GHR: variants seen among roughly 807,000 people sequenced by gnomAD.
GHR encodes the protein growth hormone receptor.
In GHR, 35 loss-of-function variants were observed where a neutral mutation model predicts 67.1. That is an observed-to-expected ratio of 0.52 (90% CI 0.40 to 0.69). The LOEUF (loss-of-function observed/expected upper bound fraction) is 0.69. Among genes scored for constraint, GHR ranks in the 30% least tolerant of loss-of-function variants. GHR has a pLI of 0.00. For synonymous variants in GHR, 272 were observed against 269.1 expected (o/e 1.01, Z -0.10); for missense variants, 792 against 764.6 (o/e 1.04, Z -0.42).
intron 3 of GHR, among the ~76,000 whole-genome samples, chr5:42,644,947 A>T (rs1754657280): frequency 6.6e-6 from 1 of 152,178 alleles, no homozygotes; most frequent in Non-Finnish European, 1.5e-5. Context: ...AATATTATGA[A>T]GTATATGTCT....
At chr5:42,599,357 A>AC (rs71608655) in intron 2 of GHR, among the ~76,000 whole-genome samples, 21 of 103,922 alleles carry the variant, frequency 2.0e-4, no homozygotes, top group African/African-American at 8.1e-4. Flanking sequence ...CCTACAGCAC[A>AC]TTTTTTTTTT....
chr5:42,584,006 T>A (rs1751341155), intron 2 of GHR, among the ~76,000 whole-genome samples: 1 of 151,888 alleles, frequency 6.6e-6, no homozygotes, highest in Non-Finnish European at 1.5e-5. Context: ...TCCAAGTCTC[T>A]TTGCGGTCCG....
intron 6 of GHR, among the ~76,000 whole-genome samples, chr5:42,709,278 C>T (rs1019772343): frequency 1.2e-4 from 18 of 152,074 alleles, no homozygotes; most frequent in African/African-American, 3.1e-4. Context: ...GGATTACAGG[C>T]GCAAGCCACC....
intron 1 of GHR, among the ~76,000 whole-genome samples, chr5:42,427,150 A>C (rs373732908): frequency 6.6e-6 from 1 of 152,116 alleles, no homozygotes; most frequent in Admixed American, 6.5e-5. Flanking sequence ...ATAGGGTTCC[A>C]CCCTCCTCTG....
intron 3 of GHR, among the ~76,000 whole-genome samples, chr5:42,659,632 G>T (rs116154687): frequency 6.6e-6 from 1 of 152,144 alleles, no homozygotes; most frequent in African/African-American, 2.4e-5. Flanking sequence ...AGTTCTCTTC[G>T]ATGGCCAAAT....
At chr5:42,537,137 AT>A (rs1748293624) in intron 1 of GHR, among the ~76,000 whole-genome samples, 1 of 151,438 alleles carries the variant, frequency 6.6e-6, no homozygotes, top group African/African-American at 2.4e-5. Flanking sequence ...TATCATTTGT[AT>A]TTTTTCTTTT....
intron 1 of GHR, among the ~76,000 whole-genome samples, chr5:42,425,781 C>T (rs1169520143): frequency 6.6e-6 from 1 of 152,146 alleles, no homozygotes; most frequent in Non-Finnish European, 1.5e-5. Flanking sequence ...TTTTGTTTTG[C>T]ATTAATCTAA....
chr5:42,636,356 T>C (rs1754192222), intron 3 of GHR, among the ~76,000 whole-genome samples: 1 of 152,186 alleles, frequency 6.6e-6, no homozygotes, highest in Non-Finnish European at 1.5e-5. Context: ...TTTAAAGGGA[T>C]AATTCAAGAC....
At chr5:42,629,814 T>C (rs561446034) in intron 3 of GHR, among the ~76,000 whole-genome samples, 12 of 132,098 alleles carry the variant, frequency 9.1e-5, no homozygotes, top group Non-Finnish European at 1.9e-4. Context: ...ATAAATTCTT[T>C]TTAAAATTAT....
chr5:42,502,056 G>A (rs547476334), intron 1 of GHR, among the ~76,000 whole-genome samples: 1 of 152,198 alleles, frequency 6.6e-6, no homozygotes, highest in Non-Finnish European at 1.5e-5. Flanking sequence ...TTGCCCATTG[G>A]TGCTCACATA....
intron 1 of GHR, among the ~76,000 whole-genome samples, chr5:42,481,463 G>T (rs1025363054): frequency 1.3e-5 from 2 of 152,150 alleles, no homozygotes; most frequent in Non-Finnish European, 2.9e-5. Flanking sequence ...AGTTCACCTG[G>T]ATAATATCCT....
chr5:42,546,757 T>C (rs1022045218), intron 1 of GHR, among the ~76,000 whole-genome samples: 1 of 151,978 alleles, frequency 6.6e-6, no homozygotes, highest in Non-Finnish European at 1.5e-5. Flanking sequence ...GAAAGTGAGA[T>C]AAATGGATTG....
At chr5:42,446,129 G>C (rs751630482) in intron 1 of GHR, among the ~76,000 whole-genome samples, 17 of 152,194 alleles carry the variant, frequency 1.1e-4, no homozygotes, top group Non-Finnish European at 2.1e-4. Context: ...GACCAGGGAT[G>C]TAATGAAGAC....
At chr5:42,445,777 T>C (rs1016117460) in intron 1 of GHR, among the ~76,000 whole-genome samples, 1 of 152,244 alleles carries the variant, frequency 6.6e-6, no homozygotes, top group African/African-American at 2.4e-5. Context: ...AAGCTCAGTA[T>C]GCTTCGATAA....
intron 5 of GHR, among the ~76,000 whole-genome samples, chr5:42,695,291 T>G (rs1757620658): frequency 6.6e-6 from 1 of 152,196 alleles, no homozygotes; most frequent in Non-Finnish European, 1.5e-5. Context: ...TAACATAAAG[T>G]AGCCTGGCAG....
intron 2 of GHR, among the ~76,000 whole-genome samples, chr5:42,613,361 T>C (rs1752980442): frequency 6.6e-6 from 1 of 152,186 alleles, no homozygotes. Context: ...TGTAATCAAC[T>C]TAACCACTGG....
In GHR at chr5:42,525,155, A is replaced by C. The variant is rs1054261290; in HGVS notation, c.-11-40709A>C. Among the ~76,000 whole-genome samples the C allele has an allele frequency of 1.2e-4, 18 of 152,274 alleles. 1 individual carries two copies. Among genetic ancestry groups the C allele is most frequent in the African/African-American group, 3.6e-4 (15 of 41,574 alleles). ...AATGGTAGATCCACCAACAGCTTGC[A>C]CTGTGCTGCTGGAAAAGCCGCAGTC... On this transcript the variant is annotated intron_variant, in intron 1 of 9. Transcript: ENST00000230882.
intron 1 of GHR, among the ~76,000 whole-genome samples, chr5:42,452,570 T>C (rs1350850484): frequency 6.6e-6 from 1 of 152,160 alleles, no homozygotes; most frequent in Non-Finnish European, 1.5e-5. Flanking sequence ...AGTCCCAAAT[T>C]TCGTGGAAAC....
chr5:42,576,045 ATAATAAAAT>A (rs1296929631), intron 2 of GHR, among the ~76,000 whole-genome samples: 1 of 109,726 alleles, frequency 9.1e-6, no homozygotes, highest in Non-Finnish European at 1.7e-5. Flanking sequence ...GAAAATTAAA[ATAATAAAAT>A]AAAATAAAAT....
Sources: allele counts gnomAD v4.1 joint callset (sites outside exome capture counted in the v4.1 genomes callset), GRCh38; gene constraint gnomAD v4.1.1; transcripts MANE v1.5; gene names NCBI Gene and HGNC (gene_info 2026-07-23, HGNC 2026-07-21).